The following SLC39A11 variants were observed in gnomAD, a reference collection of about 807,000 sequenced individuals.
SLC39A11 encodes the protein zinc transporter ZIP11.
SLC39A11 carries 33 observed loss-of-function variants against 36.1 expected under a neutral mutation model. That is an observed-to-expected ratio of 0.91 (90% CI 0.69 to 1.22). The LOEUF is 1.22. Among genes scored for constraint, SLC39A11 ranks in the 50% most tolerant of loss-of-function variants. The pLI is 0.00. For synonymous variants in SLC39A11, 166 were observed against 170.3 expected, an observed-to-expected ratio of 0.97 and a Z score of 0.20; for missense variants, 432 against 430.3, an observed-to-expected ratio of 1.00 and a Z score of -0.03.
chr17:72,667,315 A>G (rs2070798701), intron 7 of SLC39A11, among the ~76,000 whole-genome samples: 1 of 152,206 alleles, frequency 6.6e-6, no homozygotes, highest in African/African-American at 2.4e-5. Flanking sequence ...GCCTAACCAT[A>G]TGGAAAGCAC....
intron 6 of SLC39A11, among the ~76,000 whole-genome samples, chr17:72,754,540 G>A (rs1049911749): frequency 6.6e-6 from 1 of 152,152 alleles, no homozygotes; most frequent in African/African-American, 2.4e-5. Context: ...AGAAGAGAGG[G>A]AAAGAGTGTG....
At chr17:72,903,885 C>A (rs1038149929) in intron 5 of SLC39A11, among the ~76,000 whole-genome samples, 3 of 152,148 alleles carry the variant, frequency 2.0e-5, no homozygotes, top group Non-Finnish European at 2.9e-5. Context: ...TCCCTCTCAC[C>A]CTGCTATATG....
intron 5 of SLC39A11, among the ~76,000 whole-genome samples, chr17:72,931,500 C>T (rs995887897): frequency 6.6e-6 from 1 of 152,208 alleles, no homozygotes; most frequent in Non-Finnish European, 1.5e-5. Context: ...CAGCCCAGAA[C>T]CCGCTCTCCG....
intron 6 of SLC39A11, among the ~76,000 whole-genome samples, chr17:72,826,398 C>T (rs1017637932): frequency 5.3e-5 from 8 of 152,144 alleles, no homozygotes; most frequent in Admixed American, 2.0e-4. Flanking sequence ...ATAAATTACC[C>T]GGTCTCAGGT....
At chr17:72,762,546 A>C (rs1159870846) in intron 6 of SLC39A11, among the ~76,000 whole-genome samples, 1 of 152,240 alleles carries the variant, frequency 6.6e-6, no homozygotes, top group East Asian at 1.9e-4. Context: ...AAAAATGGGC[A>C]ACCAGCAGCC....
At chr17:72,999,665 C>G (rs1248903432) in intron 4 of SLC39A11, among the ~76,000 whole-genome samples, 1 of 152,186 alleles carries the variant, frequency 6.6e-6, no homozygotes. Context: ...AGGTCCATTT[C>G]CTGCTGTGGT....
chr17:72,890,039 C>G (rs1335324762), intron 5 of SLC39A11, among the ~76,000 whole-genome samples: 1 of 151,910 alleles, frequency 6.6e-6, no homozygotes, highest in African/African-American at 2.4e-5. Context: ...GGTGGCAGAT[C>G]TCTTGAGATC....
intron 7 of SLC39A11, among the ~76,000 whole-genome samples, chr17:72,735,570 T>C (rs1235960243): frequency 1.3e-5 from 2 of 152,166 alleles, no homozygotes; most frequent in Non-Finnish European, 2.9e-5. Flanking sequence ...AGTTATGTTT[T>C]AAAATAACTG....
chr17:73,031,799 G>T, intron 3 of SLC39A11, 85 bp from the exon 4 acceptor site: 3 of 1,362,198 alleles, frequency 2.2e-6, no homozygotes, highest in Non-Finnish European at 3.0e-6. Context: ...CTGTGGCCCA[G>T]ATTGACCCCT....
chr17:72,915,468 C>G (rs574141680), intron 5 of SLC39A11, among the ~76,000 whole-genome samples: 2 of 152,334 alleles, frequency 1.3e-5, no homozygotes, highest in East Asian at 1.9e-4. Flanking sequence ...TTTCCTGTGG[C>G]CTGTGTGGTA....
chr17:72,761,484 G>A (rs1047216982), intron 6 of SLC39A11, among the ~76,000 whole-genome samples: 1 of 152,204 alleles, frequency 6.6e-6, no homozygotes, highest in Non-Finnish European at 1.5e-5. Flanking sequence ...CCAAACGTCA[G>A]CAGTAATGAA....
chr17:72,765,802 T>C (rs2075739498), intron 6 of SLC39A11, among the ~76,000 whole-genome samples: 1 of 152,212 alleles, frequency 6.6e-6, no homozygotes, highest in African/African-American at 2.4e-5. Flanking sequence ...CAAAGAGAGA[T>C]TCTTTTCCCC....
At chr17:72,779,600 T>C (rs1374528948) in intron 6 of SLC39A11, among the ~76,000 whole-genome samples, 1 of 152,150 alleles carries the variant, frequency 6.6e-6, no homozygotes, top group African/African-American at 2.4e-5. Flanking sequence ...GCTCTCTTTG[T>C]TACAGCTGCT....
At chr17:72,930,799 T>C (rs568918861) in intron 5 of SLC39A11, among the ~76,000 whole-genome samples, 1 of 152,194 alleles carries the variant, frequency 6.6e-6, no homozygotes, top group African/African-American at 2.4e-5. Flanking sequence ...TATTTAGCAC[T>C]GTAGGCTAAT....
chr17:72,729,444 TA>T (rs2074110716), intron 7 of SLC39A11, among the ~76,000 whole-genome samples: 6 of 7,282 alleles, frequency 8.2e-4, no homozygotes, highest in African/African-American at 2.5e-3. Flanking sequence ...TATATATATA[TA>T]TATATATATA....
chr17:72,719,714 TCCC>T (rs2073573078), intron 7 of SLC39A11, among the ~76,000 whole-genome samples: 1 of 152,046 alleles, frequency 6.6e-6, no homozygotes, highest in African/African-American at 2.4e-5. Context: ...GGGCCCTCCC[TCCC>T]CCAAGGTCTG....
chr17:72,782,758 T>C (rs964185864), intron 6 of SLC39A11, among the ~76,000 whole-genome samples: 1 of 147,482 alleles, frequency 6.8e-6, no homozygotes, highest in Non-Finnish European at 1.5e-5. Context: ...CTCAGCACTT[T>C]GGGAGGCCAA....
At chr17:73,061,870 C>A (rs1378687865) in intron 3 of SLC39A11, among the ~76,000 whole-genome samples, 1 of 152,042 alleles carries the variant, frequency 6.6e-6, no homozygotes, top group African/African-American at 2.4e-5. Context: ...GTGGCCCAAG[C>A]CTGTGGTCCC....
At chr17:72,921,800 A>G (rs913661590) in intron 5 of SLC39A11, among the ~76,000 whole-genome samples, 4 of 152,158 alleles carry the variant, frequency 2.6e-5, no homozygotes, top group African/African-American at 4.8e-5. Context: ...ATTCCAAGAC[A>G]CAGCGTTATT....
Sources: gnomAD v4.1 joint callset for allele counts (sites outside exome capture counted in the v4.1 genomes callset) on GRCh38, gnomAD v4.1.1 for gene constraint, MANE v1.5 for transcripts, NCBI Gene and HGNC (gene_info 2026-07-23, HGNC 2026-07-21) for gene names.